Variants in RIPOR3 observed in about 807,000 individuals in gnomAD.
RIPOR3 encodes the protein RIPOR family member 3.
In RIPOR3, 95 loss-of-function variants were observed where a neutral mutation model predicts 114.3. The ratio of observed to expected loss-of-function variants is 0.83; its 90% confidence interval spans 0.70 to 0.99. The LOEUF (loss-of-function observed/expected upper bound fraction) is 0.99. Ranked by LOEUF, RIPOR3 falls within the 50% of genes least tolerant of loss-of-function variation. The pLI is 0.00. For missense variants in RIPOR3, 1,252 were observed against 1,266.9 expected (o/e 0.99, Z 0.18); for synonymous variants, 575 against 543.8 (o/e 1.06, Z -0.80).
At position 50,655,124 on chromosome 20, in the gene RIPOR3, G is replaced by A. The variant is rs553298904; in HGVS notation, c.4-24268C>T. 3.9e-5 allele frequency among the ~76,000 whole-genome samples: 6 copies of A among 152,336 alleles called. No homozygotes were observed. In the South Asian group the frequency reaches 1.2e-3, roughly 32 times the overall value. ...GGGTAGCGAAGCTCCCGCTTTTTGAGGTAACCCAGACTTTTCATTTGTATG... is the reference window on the plus strand; with the variant it reads ...GGGTAGCGAAGCTCCCGCTTTTTGAAGTAACCCAGACTTTTCATTTGTATG... On this transcript the variant is annotated intron_variant, in intron 1 of 21. Coordinates refer to ENST00000327979, the MANE Select transcript of RIPOR3 (RefSeq NM_001290268.2).
chr20:50,628,902 G>C (rs1043572491), intron 2 of RIPOR3, among the ~76,000 whole-genome samples: 2 of 152,224 alleles, frequency 1.3e-5, no homozygotes, highest in African/African-American at 4.8e-5. Flanking sequence ...TGACCTCAGG[G>C]GGGTGGAGGT....
At chr20:50,690,979 C>T in intron 1 of RIPOR3, 147 bp downstream of exon 1, 1 of 1,029,192 alleles carries the variant, frequency 9.7e-7, no homozygotes, top group African/African-American at 1.6e-5. Flanking sequence ...CCCATCTCAG[C>T]CTCAACCCAG....
intron 1 of RIPOR3, among the ~76,000 whole-genome samples, chr20:50,658,097 T>G (rs972225229): frequency 1.5e-4 from 23 of 152,152 alleles, no homozygotes; most frequent in Non-Finnish European, 2.9e-5. Flanking sequence ...CTTCTGGGTA[T>G]GTACCCAAAA....
intron 1 of RIPOR3, among the ~76,000 whole-genome samples, chr20:50,689,393 C>G (rs1179851095): frequency 6.6e-6 from 1 of 152,132 alleles, no homozygotes; most frequent in Non-Finnish European, 1.5e-5. Context: ...CCAGGCTAGT[C>G]TCAAACACCT....
chr20:50,617,060 T>G (rs2084202005), intron 3 of RIPOR3, among the ~76,000 whole-genome samples: 1 of 152,122 alleles, frequency 6.6e-6, no homozygotes, highest in African/African-American at 2.4e-5. Flanking sequence ...GAGAATTGCT[T>G]GAACCTGGGA....
At chr20:50,663,122 C>T (rs1012500553) in intron 1 of RIPOR3, among the ~76,000 whole-genome samples, 5 of 144,248 alleles carry the variant, frequency 3.5e-5, no homozygotes, top group Admixed American at 1.4e-4. Context: ...AAAAAGTTTT[C>T]AAACTGCTGA....
intron 2 of RIPOR3, among the ~76,000 whole-genome samples, chr20:50,624,299 G>T (rs1259800403): frequency 6.6e-6 from 1 of 152,164 alleles, no homozygotes; most frequent in African/African-American, 2.4e-5. Flanking sequence ...CTGCAGACTC[G>T]GGAAAAGGCA....
chr20:50,633,980 CTTTT>C (rs375758598), intron 1 of RIPOR3, among the ~76,000 whole-genome samples: 69 of 131,048 alleles, frequency 5.3e-4, no homozygotes, highest in African/African-American at 1.4e-3. Context: ...TCTTTCTTTT[CTTTT>C]TTTTTTTTTT....
At position 50,586,921 on chromosome 20, in the gene RIPOR3, G is replaced by A. The variant is rs955569587; in HGVS notation, c.*311C>T. On this transcript the variant is annotated 3_prime_UTR_variant, in exon 22 of 22. Transcript: ENST00000327979. ...TTGCCTGGCCTTGGCCCTTTTGTAGGTGGCCACCTAGTTTGGCTCAGCTCT... is the reference window on the plus strand; with the variant it reads ...TTGCCTGGCCTTGGCCCTTTTGTAGATGGCCACCTAGTTTGGCTCAGCTCT... 3.5e-6 allele frequency: 1 copy of A among 287,798 alleles called. No homozygotes were observed. The highest frequency in any genetic ancestry group is 6.6e-6 in the Non-Finnish European group (1 of 152,092). The allele number at this position is 287,798 out of a possible 1,614,324, so 17.8% of individuals were successfully genotyped here.
At chr20:50,630,537 G>T (rs994671483) in intron 2 of RIPOR3, among the ~76,000 whole-genome samples, 1 of 151,700 alleles carries the variant, frequency 6.6e-6, no homozygotes, top group Non-Finnish European at 1.5e-5. Flanking sequence ...CCAACACTAA[G>T]AAACTCTGTC....
At chr20:50,654,189 G>A (rs1322652390) in intron 1 of RIPOR3, among the ~76,000 whole-genome samples, 3 of 151,624 alleles carry the variant, frequency 2.0e-5, no homozygotes, top group Non-Finnish European at 4.4e-5. Context: ...TTTTTGAGAT[G>A]AAATTTCTCT....
At chr20:50,608,231 G>A (rs2083797879) in intron 11 of RIPOR3, among the ~76,000 whole-genome samples, 158 bp downstream of exon 11, 1 of 152,158 alleles carries the variant, frequency 6.6e-6, no homozygotes, top group African/African-American at 2.4e-5. Flanking sequence ...TCTAGGCCTC[G>A]ACCTGACTGA....
At position 50,597,597 on chromosome 20, in the gene RIPOR3, C is replaced by A; in HGVS notation, c.1773G>T (p.Gly591=). Residue 591 remains glycine, a synonymous_variant, in exon 14 of 22, where the codon GGG becomes GGT. Coordinates refer to ENST00000327979, the MANE Select transcript of RIPOR3 (RefSeq NM_001290268.2). ...GCACTCACCGGAGACCCTGGGAGCCCCCAAACAGGGACAGCTCATCCAGGG... is the reference window on the plus strand; with the variant it reads ...GCACTCACCGGAGACCCTGGGAGCCACCAAACAGGGACAGCTCATCCAGGG... ...DFALDELSLF[G]GSQGLRKDRP... The A allele has an allele frequency of 6.2e-7, 1 of 1,608,098 alleles. No individual in the cohort carries two copies. The highest frequency in any genetic ancestry group is 8.5e-7 in the Non-Finnish European group (1 of 1,177,334).
At chr20:50,668,417 G>T (rs1270709811) in intron 1 of RIPOR3, among the ~76,000 whole-genome samples, 1 of 152,264 alleles carries the variant, frequency 6.6e-6, no homozygotes, top group African/African-American at 2.4e-5. Flanking sequence ...TCCCCTCTCA[G>T]TCCCATGAAC....
rs768650644 is a variant in RIPOR3 at position 50,594,714 on chromosome 20, A to G, written c.2051T>C (p.Ile684Thr). ...KVGKATSIEEIIPQASRTKGC... is the reference protein window; with the variant it reads ...KVGKATSIEETIPQASRTKGC... ...CTTCGTCCGCGAGGCCTGTGGGATG[A>G]CTGAAAGCCCCAGTTCAGAAACCTG... Residue 684 changes from isoleucine (I) to threonine (T), a missense_variant and splice_region_variant, in exon 17 of 22, where the codon ATC (isoleucine) becomes ACC (threonine). By Grantham distance (89) the Ile-to-Thr change is moderately conservative. Transcript: ENST00000327979. 6.2e-7 allele frequency: 1 copy of G among 1,607,830 alleles called. No individual in the cohort carries two copies. The highest frequency in any genetic ancestry group is 8.5e-7 in the Non-Finnish European group (1 of 1,175,550).
At position 50,602,414 on chromosome 20, in the gene RIPOR3, G is replaced by A. The variant is rs777155196; in HGVS notation, c.1317C>T (p.His439=). 60 of 1,606,122 alleles carry A rather than the reference G, an allele frequency of 3.7e-5. No individual in the cohort carries two copies. Among genetic ancestry groups the A allele is most frequent in the South Asian group, 5.5e-5 (5 of 90,552 alleles). ...VGFLPLTFGP[H]ASIEEEARED... ...CCCGAGCCTCCTCTTCAATGGAGGCGTGGGGACCGAAGGTCAAGGGCAGGA... is the reference window on the plus strand; with the variant it reads ...CCCGAGCCTCCTCTTCAATGGAGGCATGGGGACCGAAGGTCAAGGGCAGGA... Residue 439 remains histidine, a synonymous_variant, in exon 13 of 22, where the codon CAC becomes CAT. Coordinates refer to ENST00000327979, the MANE Select transcript of RIPOR3 (RefSeq NM_001290268.2). This position sits in a 1 kb window ranked among gnomAD's most constrained non-coding sequence, Gnocchi z 4.3.
chr20:50,605,460 T>C (rs1027540340), intron 11 of RIPOR3, among the ~76,000 whole-genome samples: 5 of 152,130 alleles, frequency 3.3e-5, no homozygotes, highest in Non-Finnish European at 7.3e-5. Context: ...CAGACATCAC[T>C]GTACTTAATG....
intron 1 of RIPOR3, among the ~76,000 whole-genome samples, chr20:50,657,727 G>C (rs992552710): frequency 4.6e-5 from 7 of 150,682 alleles, no homozygotes; most frequent in Admixed American, 3.3e-4. Context: ...TACATGCCAA[G>C]CATAGGGTAA....
chr20:50,604,596 C>T, intron 12 of RIPOR3, 49 bp downstream of exon 12: 3 of 1,557,498 alleles, frequency 1.9e-6, no homozygotes, highest in Non-Finnish European at 2.6e-6. Context: ...GCGTGCTGCC[C>T]CCATCCCAGG....
Sources: allele counts gnomAD v4.1 joint callset (sites outside exome capture counted in the v4.1 genomes callset), GRCh38; gene constraint gnomAD v4.1.1; non-coding constraint Gnocchi (gnomAD v3.1); transcripts MANE v1.5; gene names NCBI Gene and HGNC (gene_info 2026-07-23, HGNC 2026-07-21).